Variants in TRPC6 observed in about 807,000 individuals in gnomAD.
TRPC6 encodes the protein transient receptor potential cation channel subfamily C member 6, also known as short transient receptor potential channel 6.
TRPC6 carries 55 observed loss-of-function variants against 90.7 expected under a neutral mutation model. That is an observed-to-expected ratio of 0.61 (90% CI 0.49 to 0.76). The LOEUF (loss-of-function observed/expected upper bound fraction) is 0.76, where lower values mean the gene tolerates loss of function less well. Ranked by LOEUF, TRPC6 falls within the 30% of genes least tolerant of loss-of-function variation. TRPC6 has a pLI of 0.00. For synonymous variants in TRPC6, 393 were observed against 393.0 expected, an observed-to-expected ratio of 1.00 and a Z score of 0.00; for missense variants, 989 against 1,122.7, an observed-to-expected ratio of 0.88 and a Z score of 1.70.
chr11:101,468,583 C>G (rs1019417948), intron 10 of TRPC6, among the ~76,000 whole-genome samples: 21 of 152,246 alleles, frequency 1.4e-4, no homozygotes, highest in Admixed American at 1.2e-3. Flanking sequence ...CCGACTTTTC[C>G]TTTGCCCTTA....
intron 4 of TRPC6, among the ~76,000 whole-genome samples, chr11:101,483,480 A>G (rs1220096372): frequency 6.6e-6 from 1 of 152,216 alleles, no homozygotes; most frequent in East Asian, 1.9e-4. Context: ...CATTATTCAT[A>G]TAAAGAAAAC....
intron 1 of TRPC6, among the ~76,000 whole-genome samples, chr11:101,559,719 G>T (rs1861670791): frequency 6.6e-6 from 1 of 150,410 alleles, no homozygotes; most frequent in Admixed American, 6.6e-5. Flanking sequence ...GTGCCATGTT[G>T]GTGTGCTGCA....
intron 1 of TRPC6, among the ~76,000 whole-genome samples, chr11:101,555,783 T>A (rs890884910): frequency 2.0e-5 from 3 of 152,154 alleles, no homozygotes; most frequent in Admixed American, 1.3e-4. Flanking sequence ...GAATTTTATA[T>A]AAATAAAATT....
intron 1 of TRPC6, among the ~76,000 whole-genome samples, chr11:101,516,905 A>C (rs1384677914): frequency 1.3e-5 from 2 of 152,246 alleles, no homozygotes; most frequent in African/African-American, 4.8e-5. Flanking sequence ...GCTCACCCTC[A>C]CTGAACTCTT....
At chr11:101,483,201 T>C (rs1249067362) in intron 4 of TRPC6, 36 bp from the exon 5 acceptor site, 1 of 1,611,272 alleles carries the variant, frequency 6.2e-7, no homozygotes, top group East Asian at 2.2e-5. Flanking sequence ...ATCTTAACTT[T>C]GTTTTGTACA....
rs200977629 is a variant in TRPC6, at chr11:101,504,813, A to G, written c.171-15T>C. 1.7e-4 allele frequency: 281 copies of G among 1,610,956 alleles called. No individual in the cohort carries two copies. The highest frequency in any genetic ancestry group is 2.3e-4 in the Non-Finnish European group (268 of 1,178,772). ...CAGATCCCCGGCTGCAATAAAACAG[A>G]AAGATTGTAAACAAATCACATTAAG... On this transcript the variant is annotated splice_polypyrimidine_tract_variant and intron_variant, in intron 1 of 12. Coordinates refer to ENST00000344327, the MANE Select transcript of TRPC6 (RefSeq NM_004621.6).
Position 101,557,720 on chromosome 11 carries a change from A to G in TRPC6, c.170+25614T>C, listed in dbSNP as rs566646654. Among the ~76,000 whole-genome samples, 4 of 152,310 alleles carry G rather than the reference A, an allele frequency of 2.6e-5. No homozygotes were observed. The East Asian group carries it at 7.7e-4, about 29-fold the overall frequency. Reference sequence around the variant, plus strand: ...ATCAGTAACATTTCTATACACTAACAAAGAACTACCCAAAAAAAGAAATCA... The same window carrying G: ...ATCAGTAACATTTCTATACACTAACGAAGAACTACCCAAAAAAAGAAATCA... On this transcript the variant is annotated intron_variant, in intron 1 of 12. Coordinates refer to ENST00000344327, the MANE Select transcript of TRPC6 (RefSeq NM_004621.6).
chr11:101,473,219 T>C (rs1249371475), intron 7 of TRPC6, among the ~76,000 whole-genome samples: 3 of 152,110 alleles, frequency 2.0e-5, no homozygotes, highest in Non-Finnish European at 4.4e-5. Context: ...ATTCAGCAAA[T>C]TACTTAATTT....
At chr11:101,454,651 G>A (rs919389964) in intron 11 of TRPC6, among the ~76,000 whole-genome samples, 3 of 151,514 alleles carry the variant, frequency 2.0e-5, no homozygotes, top group African/African-American at 7.3e-5. Context: ...GTAAAATTAT[G>A]CACATATAGG....
At position 101,558,312 on chromosome 11, in the gene TRPC6, T is replaced by TAC. The variant is rs1291891744; in HGVS notation, c.170+25021_170+25022insGT. Among the ~76,000 whole-genome samples the TAC allele has an allele frequency of 6.4e-5, 6 of 93,404 alleles. 1 individual carries two copies. Among genetic ancestry groups the TAC allele is most frequent in the Admixed American group, 2.0e-4 (2 of 10,182 alleles). The allele number at this position is 93,404 out of a possible 152,430, so 61.3% of individuals were successfully genotyped here. A position where few individuals can be genotyped will look rare whatever the true frequency, so the allele number is the denominator to read the frequency against. On this transcript the variant is annotated intron_variant, in intron 1 of 12. Coordinates refer to ENST00000344327, the MANE Select transcript of TRPC6 (RefSeq NM_004621.6). The stretch of plus-strand genomic sequence containing the variant: ...ATACATGTATATGGGTATACATGTA[T>TAC]ATATGTATACATGTATATGGGTATA...
intron 10 of TRPC6, among the ~76,000 whole-genome samples, chr11:101,465,955 G>C (rs1357812791): frequency 6.6e-6 from 1 of 152,108 alleles, no homozygotes. Context: ...TCTACCTTTC[G>C]TCTTTGATGT....
intron 1 of TRPC6, among the ~76,000 whole-genome samples, chr11:101,559,088 T>C (rs11224855): frequency 0.24 from 36,539 of 151,930 alleles, 4,707 homozygotes; most frequent in East Asian, 0.41. Context: ...AATCTATGAA[T>C]TGGGAGAAAT....
At chr11:101,536,757 A>G (rs1309289843) in intron 1 of TRPC6, among the ~76,000 whole-genome samples, 2 of 152,280 alleles carry the variant, frequency 1.3e-5, no homozygotes, top group African/African-American at 4.8e-5. Flanking sequence ...AGGCCGCTGT[A>G]CCATTCTTAG....
At position 101,583,401 on chromosome 11, in the gene TRPC6, C is replaced by G. The variant is rs1182279573; in HGVS notation, c.103G>C (p.Asp35His). 1 of 1,587,732 alleles carries G rather than the reference C, an allele frequency of 6.3e-7. No individual in the cohort carries two copies. The highest frequency in any genetic ancestry group is 8.6e-7 in the Non-Finnish European group (1 of 1,166,960). Reference sequence around the variant, plus strand: ...CAGCCGTCTTCTCCCAGCTCCGAGTCCATGAGCAGATAGTCCTGGCTCTCG... The same window carrying G: ...CAGCCGTCTTCTCCCAGCTCCGAGTGCATGAGCAGATAGTCCTGGCTCTCG... ...RNESQDYLLM[D>H]SELGEDGCPQ... Residue 35 changes from aspartate to histidine, a missense_variant, in exon 1 of 13, where the codon GAC becomes CAC. Asp to His is a moderately conservative substitution (Grantham distance 81, BLOSUM62 -1). This residue lies in a region of TRPC6 where 194 missense variants were observed against 136.5 expected (regional missense o/e 1.42). Transcript: ENST00000344327.
intron 1 of TRPC6, among the ~76,000 whole-genome samples, chr11:101,554,236 C>G (rs183325131): frequency 6.6e-6 from 1 of 152,060 alleles, no homozygotes; most frequent in East Asian, 1.9e-4. Flanking sequence ...ATAGGAAGAA[C>G]TGAAAATGAA....
rs1171226876 is a variant in TRPC6, at chr11:101,473,848, AAGAAATATAGTTATGTT to A, written c.1745-92_1745-76del. On this transcript the variant is annotated intron_variant, in intron 6 of 12. Transcript: ENST00000344327. ...ATTTAGGTAACTTCTTTTTCTGCGA[AAGAAATATAGTTATGTT>A]AGAATCCGGTTTTCGAATGGAAGTC... The A allele has an allele frequency of 4.4e-6, 7 of 1,598,840 alleles. No homozygotes were observed. The African/African-American group carries it at 9.4e-5, about 22-fold the overall frequency.
chr11:101,555,657 T>A (rs1266410202), intron 1 of TRPC6, among the ~76,000 whole-genome samples: 2 of 152,174 alleles, frequency 1.3e-5, no homozygotes, highest in Non-Finnish European at 2.9e-5. Flanking sequence ...TGTAAGAGAA[T>A]GCAAACTTTT....
chr11:101,480,132 C>A (rs1340283618), intron 5 of TRPC6, among the ~76,000 whole-genome samples: 1 of 152,038 alleles, frequency 6.6e-6, no homozygotes, highest in Admixed American at 6.6e-5. Flanking sequence ...GAGCTGAGAT[C>A]GCGCCATTGC....
intron 1 of TRPC6, among the ~76,000 whole-genome samples, chr11:101,582,777 G>C (rs77679196): frequency 2.0e-5 from 3 of 151,990 alleles, no homozygotes; most frequent in Middle Eastern, 3.2e-3. Flanking sequence ...CAGGACCGGG[G>C]AGAGGTCCTG....
Sources: allele counts gnomAD v4.1 joint callset (sites outside exome capture counted in the v4.1 genomes callset), GRCh38; gene constraint gnomAD v4.1.1; regional missense constraint gnomAD v4.1.1; transcripts MANE v1.5; gene names NCBI Gene and HGNC (gene_info 2026-07-23, HGNC 2026-07-21).